Variants in WDFY4 observed in about 807,000 individuals in gnomAD.
WDFY4 encodes the protein WD repeat- and FYVE domain-containing protein 4.
In WDFY4, 169 loss-of-function variants were observed where a neutral mutation model predicts 351.9. The ratio of observed to expected loss-of-function variants is 0.48; its 90% confidence interval spans 0.42 to 0.55. The LOEUF is 0.55. WDFY4 is among the 20% of genes least tolerant of loss of function. The pLI is 0.00. For synonymous variants in WDFY4, 1,622 were observed against 1,574.6 expected, an observed-to-expected ratio of 1.03 and a Z score of -0.71; for missense variants, 3,803 against 3,935.6, an observed-to-expected ratio of 0.97 and a Z score of 0.90.
intron 1 of WDFY4, among the ~76,000 whole-genome samples, chr10:48,688,953 A>G (rs1370205763): frequency 6.6e-6 from 1 of 152,236 alleles, no homozygotes; most frequent in African/African-American, 2.4e-5. Flanking sequence ...AGGTGGAAGT[A>G]GAAGCAGAAA....
chr10:48,733,249 T>A (rs769200591), intron 9 of WDFY4, among the ~76,000 whole-genome samples: 16 of 152,214 alleles, frequency 1.1e-4, no homozygotes, highest in Non-Finnish European at 2.4e-4. Context: ...TTGTTAAATG[T>A]GTCTTGTTGT....
intron 50 of WDFY4, 111 bp from the exon 51 acceptor site, chr10:48,946,749 G>T (rs958258264): frequency 2.5e-6 from 2 of 794,480 alleles, no homozygotes; most frequent in Non-Finnish European, 2.1e-6. Flanking sequence ...CTTCCTAAAC[G>T]TCAATGAATA....
chr10:48,831,901 A>G (rs1286058668), intron 38 of WDFY4, among the ~76,000 whole-genome samples: 2 of 152,212 alleles, frequency 1.3e-5, no homozygotes, highest in African/African-American at 4.8e-5. Flanking sequence ...ACACTAATTC[A>G]TTCATGAGCG....
Position 48,946,167 on chromosome 10 carries a change from T to A in WDFY4, c.7867+10T>A. 6.5e-7 allele frequency: 1 copy of A among 1,536,186 alleles called. No individual in the cohort carries two copies. The highest frequency in any genetic ancestry group is 8.8e-7 in the Non-Finnish European group (1 of 1,136,464). On this transcript the variant is annotated intron_variant, in intron 50 of 61. Coordinates refer to ENST00000325239, the MANE Select transcript of WDFY4 (RefSeq NM_001394531.1). ...GTTGAGAAAACTGAAGGTGAGTAGA[T>A]CCAGCTTGATTTTTGGTGCAGTGTT...
chr10:48,982,387 A>G, intron 61 of WDFY4, 122 bp from the exon 62 acceptor site: 1 of 805,814 alleles, frequency 1.2e-6, no homozygotes, highest in Non-Finnish European at 1.8e-6. Context: ...CAAGGGAGAC[A>G]AGACCAGGGG....
intron 44 of WDFY4, 117 bp downstream of exon 44, chr10:48,890,844 A>G (rs2070666058): frequency 7.1e-7 from 1 of 1,399,178 alleles, no homozygotes; most frequent in Non-Finnish European, 9.7e-7. Context: ...TTGGGCCTGA[A>G]ACTGAGCCAT....
chr10:48,777,125 C>T lies in WDFY4; in HGVS notation c.3098+141C>T, dbSNP rs540814211. The T allele has an allele frequency of 8.0e-5, 90 of 1,125,222 alleles. 2 individuals are homozygous for T. In the East Asian group the frequency reaches 1.9e-3, roughly 24 times the overall value. The allele number at this position is 1,125,222 out of a possible 1,614,324, so 69.7% of individuals were successfully genotyped here. ...GGAAAATGTCTGGGTCATGGACACCCGCCTACTCAGCGGCCTCCCAGGGGC... is the reference window on the plus strand; with the variant it reads ...GGAAAATGTCTGGGTCATGGACACCTGCCTACTCAGCGGCCTCCCAGGGGC... On this transcript the variant is annotated intron_variant, in intron 16 of 61. Coordinates refer to ENST00000325239, the MANE Select transcript of WDFY4 (RefSeq NM_001394531.1).
At chr10:48,838,907 C>T (rs755382290) in intron 39 of WDFY4, among the ~76,000 whole-genome samples, 1 of 152,218 alleles carries the variant, frequency 6.6e-6, no homozygotes, top group Non-Finnish European at 1.5e-5. Flanking sequence ...GTCTTGCTTG[C>T]TGGCATGTTT....
rs1023114265 is a variant in WDFY4, at chr10:48,735,847, G to T, written c.1688-33G>T. The T allele has an allele frequency of 2.6e-6, 4 of 1,533,692 alleles. No individual in the cohort carries two copies. In the South Asian group the frequency reaches 3.6e-5, roughly 14 times the overall value. On this transcript the variant is annotated intron_variant, in intron 10 of 61. Transcript: ENST00000325239. ...AACTGAAGTGGCAAGCTTCCCCCTT[G>T]CCCTAGCCCCATTCTGTCTGTCTGA... is the stretch of plus-strand genomic sequence containing the variant.
chr10:48,887,848 C>G (rs1215311704), intron 43 of WDFY4, among the ~76,000 whole-genome samples: 2 of 151,990 alleles, frequency 1.3e-5, no homozygotes, highest in South Asian at 2.1e-4. Flanking sequence ...CAAGGATGGT[C>G]ATTGTAGCAT....
chr10:48,709,678 G>A, intron 1 of WDFY4, 38 bp from the exon 2 acceptor site: 1 of 1,510,068 alleles, frequency 6.6e-7, no homozygotes, highest in Non-Finnish European at 9.0e-7. Flanking sequence ...AGGAAGTGAT[G>A]TGACAGGAAT....
At chr10:48,804,531 A>C (rs1218811182) in intron 25 of WDFY4, among the ~76,000 whole-genome samples, 1 of 146,736 alleles carries the variant, frequency 6.8e-6, no homozygotes, top group African/African-American at 2.5e-5. Flanking sequence ...TATCAGGGAG[A>C]TGGAGCTCAG....
At chr10:48,769,913 C>T (rs1265636706) in intron 13 of WDFY4, among the ~76,000 whole-genome samples, 2 of 152,228 alleles carry the variant, frequency 1.3e-5, no homozygotes, top group African/African-American at 2.4e-5. Context: ...CTTGCGGGCC[C>T]AGCCCGCTGG....
intron 12 of WDFY4, among the ~76,000 whole-genome samples, chr10:48,749,751 G>T (rs1242568541): frequency 6.6e-6 from 1 of 152,138 alleles, no homozygotes; most frequent in Non-Finnish European, 1.5e-5. Context: ...GCATCATGGG[G>T]TTATGGGTTA....
intron 23 of WDFY4, among the ~76,000 whole-genome samples, chr10:48,793,410 T>A (rs2066746507): frequency 6.6e-6 from 1 of 152,194 alleles, no homozygotes; most frequent in African/African-American, 2.4e-5. Flanking sequence ...TTGGGGAAAA[T>A]CAGAAGGAGA....
At chr10:48,977,095 G>A (rs942425962) in intron 59 of WDFY4, 116 bp downstream of exon 59, 21 of 1,065,216 alleles carry the variant, frequency 2.0e-5, no homozygotes, top group African/African-American at 1.3e-4. Context: ...ATTCCAGAAC[G>A]GGTACCTACA....
intron 24 of WDFY4, among the ~76,000 whole-genome samples, chr10:48,802,156 C>A (rs571158813): frequency 7.2e-5 from 11 of 152,046 alleles, no homozygotes; most frequent in African/African-American, 2.4e-4. Flanking sequence ...AGGAGGAACA[C>A]TTGAGCCCAA....
intron 60 of WDFY4, 74 bp downstream of exon 60, chr10:48,978,467 C>A: frequency 7.2e-7 from 1 of 1,390,790 alleles, no homozygotes; most frequent in Non-Finnish European, 9.7e-7. Context: ...TCCACCTCAG[C>A]CCAAGGGCTG....
At chr10:48,978,229 G>T (rs556475014) in intron 59 of WDFY4, 80 bp from the exon 60 acceptor site, 1 of 1,428,754 alleles carries the variant, frequency 7.0e-7, no homozygotes. Context: ...ACCCCTAGGC[G>T]TGAGGAAATG....
Sources: allele counts gnomAD v4.1 joint callset (sites outside exome capture counted in the v4.1 genomes callset), GRCh38; gene constraint gnomAD v4.1.1; transcripts MANE v1.5; gene names NCBI Gene and HGNC (gene_info 2026-07-23, HGNC 2026-07-21).